NRXN1: variants seen among roughly 807,000 people sequenced by gnomAD.
The protein encoded by NRXN1 is neurexin 1, also known as neurexin-1.
Under a neutral mutation model 150.9 loss-of-function variants are expected in NRXN1, and 39 were observed. The ratio of observed to expected loss-of-function variants is 0.26; its 90% CI spans 0.20 to 0.34. The LOEUF (loss-of-function observed/expected upper bound fraction) is 0.34. NRXN1 is among the 10% of genes least tolerant of loss of function. NRXN1 has a pLI of 1.00. For missense variants in NRXN1, 1,815 were observed against 1,949.9 expected, an observed-to-expected ratio of 0.93 and a Z score of 1.30; for synonymous variants, 924 against 757.0, an observed-to-expected ratio of 1.22 and a Z score of -3.62.
intron 2 of NRXN1, among the ~76,000 whole-genome samples, chr2:51,023,598 A>G (rs765211292): frequency 6.6e-6 from 1 of 152,206 alleles, no homozygotes; most frequent in African/African-American, 2.4e-5. Context: ...CCCATCCTTC[A>G]AAATACATAC....
At chr2:50,377,735 G>A (rs1027777077) in intron 17 of NRXN1, among the ~76,000 whole-genome samples, 4 of 152,104 alleles carry the variant, frequency 2.6e-5, no homozygotes, top group African/African-American at 9.7e-5. Context: ...ACGTACTTAT[G>A]AAATTTGTAA....
rs575972321 is a variant in NRXN1 at position 50,204,195 on chromosome 2, G to C, written c.3546+32594C>G. 4.5e-4 allele frequency among the ~76,000 whole-genome samples: 69 copies of C among 152,014 alleles called. 2 individuals carry two copies. In the South Asian group the frequency reaches 0.012, roughly 26 times the overall value. On this transcript the variant is annotated intron_variant, in intron 18 of 22. Transcript: ENST00000401669. The stretch of plus-strand genomic sequence containing the variant: ...AAGCAGCACTCAAATTGTAGAGCTG[G>C]GATAATACAACTAGGTGAAGTTAAA...
At chr2:50,026,312 A>G (rs1364134223) in intron 21 of NRXN1, among the ~76,000 whole-genome samples, 1 of 152,208 alleles carries the variant, frequency 6.6e-6, no homozygotes, top group African/African-American at 2.4e-5. Context: ...TTTGGCCCTG[A>G]AATGTCCTCC....
intron 5 of NRXN1, among the ~76,000 whole-genome samples, chr2:50,661,401 T>C (rs1559089810): frequency 6.6e-6 from 1 of 152,094 alleles, no homozygotes; most frequent in Non-Finnish European, 1.5e-5. Context: ...AACAACAAAT[T>C]AGGTGCATGA....
At chr2:50,672,276 C>A (rs1261434103) in intron 5 of NRXN1, among the ~76,000 whole-genome samples, 1 of 150,718 alleles carries the variant, frequency 6.6e-6, no homozygotes, top group African/African-American at 2.4e-5. Flanking sequence ...AAAAAAAAGC[C>A]ACAAATCACA....
At chr2:51,030,402 C>G (rs773340039) in intron 1 of NRXN1, among the ~76,000 whole-genome samples, 9 of 152,016 alleles carry the variant, frequency 5.9e-5, no homozygotes, top group Non-Finnish European at 1.2e-4. Flanking sequence ...TGCTGCTTCT[C>G]CATGGGGGGA....
At chr2:50,589,257 T>C (rs371618890) in intron 8 of NRXN1, 1 of 152,430 alleles carries the variant, frequency 6.6e-6, no homozygotes, top group South Asian at 2.1e-4. Context: ...TATTGAGATA[T>C]GGCAGGGGGT....
intron 5 of NRXN1, chr2:50,841,075 A>C (rs997499927): frequency 2.0e-5 from 3 of 152,618 alleles, no homozygotes; most frequent in African/African-American, 7.2e-5. Context: ...TTAATGTAGA[A>C]ATAACTTCTA....
intron 2 of NRXN1, among the ~76,000 whole-genome samples, chr2:51,013,958 C>G (rs1436234685): frequency 6.6e-6 from 1 of 152,012 alleles, no homozygotes; most frequent in African/African-American, 2.4e-5. Context: ...AGATTTTTCC[C>G]TTTATACAAT....
At chr2:50,744,179 T>C (rs1699752551) in intron 5 of NRXN1, among the ~76,000 whole-genome samples, 1 of 152,170 alleles carries the variant, frequency 6.6e-6, no homozygotes, top group Non-Finnish European at 1.5e-5. Context: ...CTTTATAATG[T>C]TACAAGAAGG....
At chr2:50,152,411 T>C (rs571608023) in intron 18 of NRXN1, among the ~76,000 whole-genome samples, 15 of 151,920 alleles carry the variant, frequency 9.9e-5, no homozygotes, top group South Asian at 2.1e-4. Context: ...TGTTCCATTG[T>C]ATGTATACAG....
chr2:50,256,546 A>T (rs956320612), intron 17 of NRXN1, among the ~76,000 whole-genome samples: 4 of 152,110 alleles, frequency 2.6e-5, no homozygotes, highest in Non-Finnish European at 5.9e-5. Flanking sequence ...TATGCTACCC[A>T]ATTTGTCCCT....
At chr2:50,750,721 A>G (rs1700503860) in intron 5 of NRXN1, among the ~76,000 whole-genome samples, 1 of 151,990 alleles carries the variant, frequency 6.6e-6, no homozygotes, top group Non-Finnish European at 1.5e-5. Flanking sequence ...CATTTTAACC[A>G]CCACCGAAGT....
chr2:50,190,890 G>C (rs529478000), intron 18 of NRXN1, among the ~76,000 whole-genome samples: 1 of 151,766 alleles, frequency 6.6e-6, no homozygotes, highest in South Asian at 2.1e-4. Flanking sequence ...TGGGATTACA[G>C]GCATGAGCCA....
At chr2:50,067,102 A>C (rs1012602645) in intron 19 of NRXN1, among the ~76,000 whole-genome samples, 2 of 152,134 alleles carry the variant, frequency 1.3e-5, no homozygotes, top group Non-Finnish European at 2.9e-5. Context: ...GCAGGCTTTT[A>C]TATCCAGTTA....
chr2:49,996,790 C>T (rs1041713560), intron 21 of NRXN1, among the ~76,000 whole-genome samples: 2 of 152,176 alleles, frequency 1.3e-5, no homozygotes. Flanking sequence ...AGACTTCCAA[C>T]CCCTAGAACT....
At chr2:50,308,977 T>C (rs964978539) in intron 17 of NRXN1, among the ~76,000 whole-genome samples, 1 of 152,192 alleles carries the variant, frequency 6.6e-6, no homozygotes, top group African/African-American at 2.4e-5. Flanking sequence ...AAGCACTTAA[T>C]GAGGTCAGAC....
At chr2:50,433,013 C>A (rs371219615) in intron 17 of NRXN1, among the ~76,000 whole-genome samples, 3 of 152,236 alleles carry the variant, frequency 2.0e-5, no homozygotes, top group African/African-American at 7.2e-5. Flanking sequence ...GGAAATGAGT[C>A]CCTCAGAGAA....
intron 5 of NRXN1, among the ~76,000 whole-genome samples, chr2:50,795,604 C>A (rs1429616258): frequency 6.6e-6 from 1 of 151,714 alleles, no homozygotes; most frequent in Admixed American, 6.6e-5. Context: ...CCATATAATT[C>A]TGTAACTCTG....
Sources: allele counts gnomAD v4.1 joint callset (sites outside exome capture counted in the v4.1 genomes callset), GRCh38; gene constraint gnomAD v4.1.1; transcripts MANE v1.5; gene names NCBI Gene and HGNC (gene_info 2026-07-23, HGNC 2026-07-21).